GRIK1: variants seen among roughly 807,000 people sequenced by gnomAD.
The protein encoded by GRIK1 is glutamate ionotropic receptor kainate type subunit 1.
Under a neutral mutation model 105.7 loss-of-function variants are expected in GRIK1, and 69 were observed. The ratio of observed to expected loss-of-function variants is 0.65; its 90% confidence interval spans 0.54 to 0.80. The LOEUF (loss-of-function observed/expected upper bound fraction) is 0.80. Among genes scored for constraint, GRIK1 ranks in the 30% least tolerant of loss-of-function variants. GRIK1 has a pLI of 0.00. For missense variants in GRIK1, 1,109 were observed against 1,167.3 expected (o/e 0.95, Z 0.73); for synonymous variants, 438 against 431.3 (o/e 1.02, Z -0.19).
chr21:29,859,128 C>T (rs1045457783), intron 1 of GRIK1, among the ~76,000 whole-genome samples: 20 of 150,500 alleles, frequency 1.3e-4, no homozygotes, highest in Non-Finnish European at 1.9e-4. Context: ...AACCAAACAC[C>T]GCATGTTCTC....
chr21:29,747,103 A>C (rs2065065956), intron 1 of GRIK1, among the ~76,000 whole-genome samples: 1 of 152,246 alleles, frequency 6.6e-6, no homozygotes, highest in Non-Finnish European at 1.5e-5. Flanking sequence ...ACTATGAGCC[A>C]AACAAATAAT....
intron 7 of GRIK1, among the ~76,000 whole-genome samples, chr21:29,630,119 A>G (rs139900661): frequency 2.1e-3 from 313 of 152,338 alleles, no homozygotes; most frequent in African/African-American, 7.2e-3. Context: ...ATTCCTGAAA[A>G]GGTAGTATTC....
intron 1 of GRIK1, among the ~76,000 whole-genome samples, chr21:29,931,745 C>G (rs2146360403): frequency 6.6e-6 from 1 of 152,152 alleles, no homozygotes; most frequent in Non-Finnish European, 1.5e-5. Flanking sequence ...TTCCTAAGCC[C>G]TCTCAGCAGA....
At chr21:29,768,163 G>T (rs930789628) in intron 1 of GRIK1, among the ~76,000 whole-genome samples, 1 of 152,186 alleles carries the variant, frequency 6.6e-6, no homozygotes, top group African/African-American at 2.4e-5. Flanking sequence ...TTATGGGGAA[G>T]ATGTTCTTCA....
intron 1 of GRIK1, among the ~76,000 whole-genome samples, chr21:29,716,098 CT>C (rs1049474349): frequency 3.9e-5 from 6 of 152,110 alleles, no homozygotes; most frequent in African/African-American, 1.4e-4. Context: ...GGCACTTCTC[CT>C]TTCTGCCTCC....
At chr21:29,876,274 T>C (rs1473895926) in intron 1 of GRIK1, among the ~76,000 whole-genome samples, 1 of 152,142 alleles carries the variant, frequency 6.6e-6, no homozygotes, top group Non-Finnish European at 1.5e-5. Context: ...TAACAGCTTA[T>C]TGAAAGTGCT....
At chr21:29,739,076 C>T (rs2064864679) in intron 1 of GRIK1, among the ~76,000 whole-genome samples, 1 of 152,126 alleles carries the variant, frequency 6.6e-6, no homozygotes, top group African/African-American at 2.4e-5. Context: ...GACCTAGTTG[C>T]TGCCTTCATG....
intron 10 of GRIK1, 142 bp downstream of exon 10, chr21:29,590,970 C>T: frequency 1.5e-6 from 1 of 672,614 alleles, no homozygotes; most frequent in Non-Finnish European, 2.7e-6. Flanking sequence ...TAAGTATGTA[C>T]AAACACAGGC....
intron 7 of GRIK1, among the ~76,000 whole-genome samples, chr21:29,641,644 G>A (rs73197516): frequency 1.6e-3 from 244 of 152,250 alleles, no homozygotes; most frequent in African/African-American, 5.5e-3. Context: ...AAATTTAAGC[G>A]AGAATTTCCT....
chr21:29,630,542 A>G (rs1440156560), intron 7 of GRIK1: 2 of 471,748 alleles, frequency 4.2e-6, no homozygotes, highest in Non-Finnish European at 8.8e-6. Context: ...TCTTAAGGGA[A>G]CAAGCTGCCA....
At chr21:29,560,383 T>C (rs1391649039) in intron 15 of GRIK1, among the ~76,000 whole-genome samples, 1 of 76,466 alleles carries the variant, frequency 1.3e-5, no homozygotes, top group Non-Finnish European at 2.4e-5. Flanking sequence ...CTTCCTTCCT[T>C]CCTTCCTTCC....
chr21:29,713,394 A>T (rs143266966), intron 1 of GRIK1, among the ~76,000 whole-genome samples: 23 of 152,072 alleles, frequency 1.5e-4, no homozygotes, highest in Non-Finnish European at 2.5e-4. Context: ...TATTTTTTTC[A>T]TTCTTGTAAT....
At chr21:29,654,301 A>G (rs1568937511) in intron 5 of GRIK1, among the ~76,000 whole-genome samples, 1 of 152,224 alleles carries the variant, frequency 6.6e-6, no homozygotes, top group Non-Finnish European at 1.5e-5. Context: ...GCTTAGGACC[A>G]TGATTTTTCT....
At chr21:29,710,825 TTC>T (rs1234024550) in intron 1 of GRIK1, among the ~76,000 whole-genome samples, 2 of 112,044 alleles carry the variant, frequency 1.8e-5, no homozygotes, top group African/African-American at 7.1e-5. Context: ...CCTTCCTTCC[TTC>T]CTTCCTTCCT....
At chr21:29,580,128 C>T (rs573365839) in intron 13 of GRIK1, among the ~76,000 whole-genome samples, 4 of 131,688 alleles carry the variant, frequency 3.0e-5, no homozygotes, top group Non-Finnish European at 4.8e-5. Flanking sequence ...TACACATATA[C>T]ACACATATAT....
At chr21:29,584,959 G>C (rs1377183228) in intron 12 of GRIK1, among the ~76,000 whole-genome samples, 1 of 152,178 alleles carries the variant, frequency 6.6e-6, no homozygotes. Flanking sequence ...CTAAGGTGTA[G>C]AGAAGGTAAA....
intron 1 of GRIK1, among the ~76,000 whole-genome samples, chr21:29,717,130 G>A (rs1343423646): frequency 1.3e-5 from 2 of 152,240 alleles, no homozygotes; most frequent in Non-Finnish European, 2.9e-5. Flanking sequence ...TGAAGGTTTG[G>A]GAACCTTCAC....
At chr21:29,806,816 A>T (rs2066875300) in intron 1 of GRIK1, among the ~76,000 whole-genome samples, 1 of 152,200 alleles carries the variant, frequency 6.6e-6, no homozygotes, top group South Asian at 2.1e-4. Context: ...AAGAACAATG[A>T]CGACATTCAT....
chr21:29,724,746 G>A (rs1451109008), intron 1 of GRIK1, among the ~76,000 whole-genome samples: 1 of 152,098 alleles, frequency 6.6e-6, no homozygotes, highest in Non-Finnish European at 1.5e-5. Context: ...CCTCTAATTC[G>A]TGGGCATAAT....
Sources: allele counts gnomAD v4.1 joint callset (sites outside exome capture counted in the v4.1 genomes callset), GRCh38; gene constraint gnomAD v4.1.1; transcripts MANE v1.5; gene names NCBI Gene and HGNC (gene_info 2026-07-23, HGNC 2026-07-21).